Variants in C1orf21 observed in about 807,000 individuals in gnomAD.
C1orf21 encodes the protein chromosome 1 open reading frame 21.
C1orf21 carries 3 observed loss-of-function variants against 18.7 expected under a neutral mutation model. The observed-to-expected ratio is 0.16, with a 90% CI of 0.07 to 0.42. The LOEUF (loss-of-function observed/expected upper bound fraction) is 0.42, where lower values mean the gene tolerates loss of function less well. Among genes scored for constraint, C1orf21 ranks in the 10% least tolerant of loss-of-function variants. C1orf21 has a pLI of 0.99. For synonymous variants in C1orf21, 41 were observed against 46.4 expected (o/e 0.88, Z 0.47); for missense variants, 104 against 143.6 (o/e 0.72, Z 1.41).
At chr1:184,479,872 C>T (rs918220595) in intron 2 of C1orf21, among the ~76,000 whole-genome samples, 6 of 152,066 alleles carry the variant, frequency 3.9e-5, no homozygotes, top group Admixed American at 3.3e-4. Context: ...ATCTGCCCAC[C>T]GTGGCCTCCC....
chr1:184,456,484 A>T (rs988938627), intron 1 of C1orf21, among the ~76,000 whole-genome samples: 1 of 152,236 alleles, frequency 6.6e-6, no homozygotes, highest in African/African-American at 2.4e-5. Flanking sequence ...CAAAAAGGCA[A>T]TATGAAATAG....
chr1:184,584,771 T>C (rs768973361), intron 3 of C1orf21, among the ~76,000 whole-genome samples: 1 of 152,202 alleles, frequency 6.6e-6, no homozygotes, highest in Non-Finnish European at 1.5e-5. Flanking sequence ...ATGCTACAAT[T>C]TGGATGAATC....
chr1:184,564,629 A>G (rs1232070460), intron 3 of C1orf21, among the ~76,000 whole-genome samples: 2 of 152,166 alleles, frequency 1.3e-5, no homozygotes, highest in Admixed American at 1.3e-4. Context: ...CTCTAAGGCT[A>G]AGAGAACAGG....
At chr1:184,483,869 AGGT>A (rs778864585) in intron 2 of C1orf21, among the ~76,000 whole-genome samples, 33 of 123,492 alleles carry the variant, frequency 2.7e-4, no homozygotes, top group Non-Finnish European at 3.9e-4. Context: ...AGGCACCTGA[AGGT>A]GGCTCATATC....
chr1:184,440,391 C>T (rs1031116581), intron 1 of C1orf21, among the ~76,000 whole-genome samples: 9 of 152,016 alleles, frequency 5.9e-5, no homozygotes, highest in African/African-American at 1.7e-4. Context: ...TACAGGCGCA[C>T]GCCCTACACC....
chr1:184,495,531 C>T (rs1479668412), intron 2 of C1orf21, among the ~76,000 whole-genome samples: 1 of 152,128 alleles, frequency 6.6e-6, no homozygotes, highest in Admixed American at 6.5e-5. Flanking sequence ...AAATTAACGT[C>T]AATATACTTA....
intron 4 of C1orf21, among the ~76,000 whole-genome samples, chr1:184,596,716 A>G (rs1014203787): frequency 6.6e-6 from 1 of 152,060 alleles, no homozygotes; most frequent in Non-Finnish European, 1.5e-5. Context: ...CTAAAAATAC[A>G]AAAAATTAGC....
chr1:184,568,424 G>A (rs1220556800), intron 3 of C1orf21: 1 of 470,290 alleles, frequency 2.1e-6, no homozygotes, highest in East Asian at 7.0e-5. Flanking sequence ...TCTACTTTCT[G>A]TCTCCATGAA....
rs181702748 is a variant in C1orf21, at chr1:184,493,079, C to A, written c.95-14509C>A. Among the ~76,000 whole-genome samples the A allele has an allele frequency of 2.0e-3, 300 of 152,212 alleles. 1 individual carries two copies. Among genetic ancestry groups the A allele is most frequent in the African/African-American group, 6.4e-3 (265 of 41,524 alleles). On this transcript the variant is annotated intron_variant, in intron 2 of 5. Coordinates refer to ENST00000235307, the MANE Select transcript of C1orf21 (RefSeq NM_030806.4). The stretch of plus-strand genomic sequence containing the variant: ...ATTCTAAAGGATTATATTTCTGTGG[C>A]TATAATATTAAGTATATATAAAATT...
chr1:184,488,988 T>G (rs1571382184), intron 2 of C1orf21, among the ~76,000 whole-genome samples: 1 of 149,768 alleles, frequency 6.7e-6, no homozygotes, highest in Non-Finnish European at 1.5e-5. Context: ...GAAAAGAAAC[T>G]GTAAAAGTAC....
intron 3 of C1orf21, among the ~76,000 whole-genome samples, chr1:184,576,497 T>C (rs1321606927): frequency 1.3e-5 from 2 of 152,254 alleles, no homozygotes; most frequent in Non-Finnish European, 1.5e-5. Flanking sequence ...ATCCTCTCAC[T>C]GTCTTGCCAG....
chr1:184,420,296 TG>T lies in C1orf21; in HGVS notation c.-125+32935del, dbSNP rs1009688738. Among the ~76,000 whole-genome samples, 102 of 151,580 alleles carry T rather than the reference TG, an allele frequency of 6.7e-4. 1 individual carries two copies. The highest frequency in any genetic ancestry group is 2.4e-3 in the African/African-American group (99 of 41,344). On this transcript the variant is annotated intron_variant, in intron 1 of 5. Transcript: ENST00000235307. ...TTTTTGTAGCCTAAAATTACTTTTG[TG>T]GGGGGGTGGGCTGGTTTTTCCACAT...
intron 1 of C1orf21, among the ~76,000 whole-genome samples, chr1:184,436,081 G>T (rs1390886288): frequency 2.0e-5 from 3 of 152,100 alleles, no homozygotes; most frequent in Non-Finnish European, 4.4e-5. Context: ...GGGAGAAAAT[G>T]ATCCAATAGA....
chr1:184,582,105 G>A (rs1659283780), intron 3 of C1orf21, among the ~76,000 whole-genome samples: 1 of 152,120 alleles, frequency 6.6e-6, no homozygotes, highest in Non-Finnish European at 1.5e-5. Flanking sequence ...GAGTCAAGGT[G>A]GCTTCTCTGA....
intron 3 of C1orf21, among the ~76,000 whole-genome samples, chr1:184,525,343 T>C (rs1486045838): frequency 1.3e-5 from 2 of 152,168 alleles, no homozygotes; most frequent in Non-Finnish European, 2.9e-5. Flanking sequence ...TTCAGTGTGA[T>C]TGAATTATGA....
At chr1:184,543,813 TTA>T (rs1453573969) in intron 3 of C1orf21, among the ~76,000 whole-genome samples, 3 of 152,232 alleles carry the variant, frequency 2.0e-5, no homozygotes, top group Non-Finnish European at 2.9e-5. Context: ...GCAAGGAGTA[TTA>T]TTTTTGCTTC....
At chr1:184,431,158 C>T (rs1031223967) in intron 1 of C1orf21, among the ~76,000 whole-genome samples, 3 of 152,080 alleles carry the variant, frequency 2.0e-5, no homozygotes. Context: ...CCCATATAGC[C>T]AAGACAATCC....
intron 1 of C1orf21, among the ~76,000 whole-genome samples, chr1:184,418,880 G>C (rs1396448741): frequency 6.6e-6 from 1 of 152,104 alleles, no homozygotes; most frequent in Non-Finnish European, 1.5e-5. Context: ...CTGTTGGTTT[G>C]GCTATCACAA....
At chr1:184,541,774 G>C (rs1658655072) in intron 3 of C1orf21, among the ~76,000 whole-genome samples, 1 of 152,166 alleles carries the variant, frequency 6.6e-6, no homozygotes, top group South Asian at 2.1e-4. Flanking sequence ...TTTGGGAAAG[G>C]TGTGCCAACG....
Sources: gnomAD v4.1 joint callset for allele counts (sites outside exome capture counted in the v4.1 genomes callset) on GRCh38, gnomAD v4.1.1 for gene constraint, MANE v1.5 for transcripts, NCBI Gene and HGNC (gene_info 2026-07-23, HGNC 2026-07-21) for gene names.